The following CNTLN variants were observed in gnomAD, a reference collection of about 807,000 sequenced individuals.
The protein encoded by CNTLN is centlein.
CNTLN carries 212 observed loss-of-function variants against 180.0 expected under a neutral mutation model. That is an observed-to-expected ratio of 1.18 (90% CI 1.05 to 1.32). The LOEUF is 1.32. Among genes scored for constraint, CNTLN ranks in the 40% most tolerant of loss-of-function variants. The pLI is 0.00. For missense variants in CNTLN, 2,095 were observed against 1,610.9 expected, an observed-to-expected ratio of 1.30 and a Z score of -5.14; for synonymous variants, 722 against 563.1, an observed-to-expected ratio of 1.28 and a Z score of -3.99.
chr9:17,357,338 G>T (rs1227308931), intron 12 of CNTLN, among the ~76,000 whole-genome samples: 2 of 151,678 alleles, frequency 1.3e-5, no homozygotes, highest in Non-Finnish European at 2.9e-5. Flanking sequence ...AAGTCAACAG[G>T]ATTCTTTGTA....
intron 15 of CNTLN, among the ~76,000 whole-genome samples, chr9:17,397,042 A>AT (rs1434144331): frequency 6.6e-6 from 1 of 152,230 alleles, no homozygotes; most frequent in Non-Finnish European, 1.5e-5. Flanking sequence ...CTAGCTACTA[A>AT]TTCTATCTTA....
chr9:17,373,695 A>G (rs535338787), intron 13 of CNTLN, among the ~76,000 whole-genome samples: 12 of 152,192 alleles, frequency 7.9e-5, no homozygotes, highest in Non-Finnish European at 8.8e-5. Context: ...AAAAAGAACA[A>G]AACTAGAGGA....
intron 18 of CNTLN, among the ~76,000 whole-genome samples, chr9:17,418,805 C>A (rs1243894157): frequency 6.6e-6 from 1 of 151,918 alleles, no homozygotes. Flanking sequence ...TGGGCAGCCT[C>A]CATACTAAAG....
intron 7 of CNTLN, 82 bp from the exon 8 acceptor site, chr9:17,308,976 A>G (rs1818934521): frequency 7.9e-6 from 7 of 881,150 alleles, no homozygotes; most frequent in African/African-American, 1.7e-5. Context: ...TCATATGTAT[A>G]TATACACACA....
At chr9:17,271,081 G>T (rs1563943643) in intron 5 of CNTLN, among the ~76,000 whole-genome samples, 1 of 151,562 alleles carries the variant, frequency 6.6e-6, no homozygotes, top group Non-Finnish European at 1.5e-5. Context: ...CTCCGGAGTA[G>T]CTGGGACTAC....
chr9:17,292,189 C>T (rs569150884), intron 6 of CNTLN, among the ~76,000 whole-genome samples: 4 of 152,008 alleles, frequency 2.6e-5, no homozygotes, highest in African/African-American at 7.3e-5. Context: ...AATGGGTTTC[C>T]CTTTGTAGGT....
At chr9:17,365,119 C>G (rs112986749) in intron 12 of CNTLN, among the ~76,000 whole-genome samples, 1 of 152,118 alleles carries the variant, frequency 6.6e-6, no homozygotes, top group Admixed American at 6.6e-5. Context: ...AATTTCATGT[C>G]GCATTGTAAT....
intron 2 of CNTLN, among the ~76,000 whole-genome samples, chr9:17,198,386 C>CTTTTTTTTTTTTTT (rs61209273): frequency 1.4e-4 from 15 of 109,730 alleles, no homozygotes; most frequent in South Asian, 3.0e-4. Context: ...TCTTTTCTTT[C>CTTTTTTTTTTTTTT]TTTTTTTTTT....
chr9:17,311,167 G>A (rs570308454), intron 8 of CNTLN, among the ~76,000 whole-genome samples: 1 of 151,948 alleles, frequency 6.6e-6, no homozygotes, highest in Non-Finnish European at 1.5e-5. Context: ...TGGGATTATA[G>A]GCGCCTGCCA....
In CNTLN at chr9:17,246,752, T is replaced by C. The variant is rs559218477; in HGVS notation, c.849+10164T>C. On this transcript the variant is annotated intron_variant, in intron 5 of 25. Coordinates refer to ENST00000380647, the MANE Select transcript of CNTLN (RefSeq NM_017738.4). ...TTATGGTTGAGCTGGCAACCAAGCA[T>C]CAATACAAAGTCCTTCCCACTCTTC... Among the ~76,000 whole-genome samples, 4 of 152,256 alleles carry C rather than the reference T, an allele frequency of 2.6e-5. No homozygotes were observed. In the South Asian group the frequency reaches 8.3e-4, roughly 32 times the overall value.
rs116448735 is a variant in CNTLN, at chr9:17,455,576, C to A, written c.3115-1948C>A. ...CAAGTATAACAAATGAGAGAAGCCA[C>A]CTAAGTATCCCAGTAAGAAGAAAAG... On this transcript the variant is annotated intron_variant, in intron 18 of 25. Transcript: ENST00000380647. 1.8e-3 allele frequency among the ~76,000 whole-genome samples: 271 copies of A among 152,156 alleles called. 2 individuals are homozygous for A. Among genetic ancestry groups the A allele is most frequent in the African/African-American group, 6.3e-3 (261 of 41,502 alleles).
At chr9:17,371,224 T>C (rs765355207) in intron 13 of CNTLN, among the ~76,000 whole-genome samples, 4 of 152,142 alleles carry the variant, frequency 2.6e-5, no homozygotes, top group Non-Finnish European at 2.9e-5. Context: ...CTGTTGTATA[T>C]AAGAAACGCT....
At chr9:17,262,422 G>T (rs1234391312) in intron 5 of CNTLN, among the ~76,000 whole-genome samples, 1 of 151,480 alleles carries the variant, frequency 6.6e-6, no homozygotes, top group Non-Finnish European at 1.5e-5. Flanking sequence ...CACATCCTTT[G>T]CAGGGACATG....
intron 5 of CNTLN, among the ~76,000 whole-genome samples, chr9:17,253,888 A>G (rs1716913291): frequency 6.6e-6 from 1 of 151,034 alleles, no homozygotes; most frequent in Non-Finnish European, 1.5e-5. Flanking sequence ...ATTTTTCCCC[A>G]TTTAATAGGA....
chr9:17,345,429 G>T (rs1821801966), intron 12 of CNTLN, among the ~76,000 whole-genome samples: 1 of 151,528 alleles, frequency 6.6e-6, no homozygotes, highest in African/African-American at 2.4e-5. Context: ...TTTCCTGTTT[G>T]TTTCCTCTGT....
intron 6 of CNTLN, among the ~76,000 whole-genome samples, chr9:17,288,013 T>A (rs1161651561): frequency 2.2e-5 from 3 of 139,238 alleles, no homozygotes; most frequent in African/African-American, 8.9e-5. Context: ...TTCCTTCAGT[T>A]CTGCTCTGAT....
rs530869732 is a variant in CNTLN at position 17,268,663 on chromosome 9, C to T, written c.850-5070C>T. 3.3e-5 allele frequency among the ~76,000 whole-genome samples: 5 copies of T among 152,296 alleles called. No homozygotes were observed. The East Asian group carries it at 5.8e-4, about 18-fold the overall frequency. ...GGTGGAGCCTACAGAGGCAGGCAGG[C>T]CTCCTTGAGCTGTGGTTGGGCTCCA... is the stretch of plus-strand genomic sequence containing the variant. On this transcript the variant is annotated intron_variant, in intron 5 of 25. Coordinates refer to ENST00000380647, the MANE Select transcript of CNTLN (RefSeq NM_017738.4).
At chr9:17,312,529 G>A (rs1160063387) in intron 8 of CNTLN, among the ~76,000 whole-genome samples, 2 of 148,632 alleles carry the variant, frequency 1.3e-5, no homozygotes, top group Non-Finnish European at 3.0e-5. Context: ...TGGGACTACA[G>A]GTGCCCGCCA....
At chr9:17,398,723 G>A (rs1826729197) in intron 15 of CNTLN, among the ~76,000 whole-genome samples, 1 of 152,090 alleles carries the variant, frequency 6.6e-6, no homozygotes, top group South Asian at 2.1e-4. Context: ...TTAACTCTTT[G>A]AGGCATGGTT....
Sources: gnomAD v4.1 joint callset for allele counts (sites outside exome capture counted in the v4.1 genomes callset) on GRCh38, gnomAD v4.1.1 for gene constraint, MANE v1.5 for transcripts, NCBI Gene and HGNC (gene_info 2026-07-23, HGNC 2026-07-21) for gene names.